Variants in IARS1 observed in about 807,000 individuals in gnomAD.
IARS1 encodes the protein isoleucyl-tRNA synthetase 1.
A neutral mutation model predicts 168.2 loss-of-function variants in IARS1; 124 were observed. The observed-to-expected ratio is 0.74, with a 90% confidence interval of 0.64 to 0.86. The LOEUF (loss-of-function observed/expected upper bound fraction) is 0.86. IARS1 is among the 40% of genes least tolerant of loss of function. IARS1 has a pLI of 0.00. For missense variants in IARS1, 1,452 were observed against 1,515.8 expected, an observed-to-expected ratio of 0.96 and a Z score of 0.70; for synonymous variants, 532 against 529.4, an observed-to-expected ratio of 1.00 and a Z score of -0.07.
intron 15 of IARS1, among the ~76,000 whole-genome samples, 176 bp downstream of exon 15, chr9:92,265,304 C>T (rs919062185): frequency 1.3e-5 from 2 of 152,228 alleles, no homozygotes; most frequent in Admixed American, 6.5e-5. Flanking sequence ...AGGTTATGCA[C>T]CATTCACCTC....
In IARS1 at chr9:92,268,232, GA is replaced by G. The variant is rs757686023; in HGVS notation, c.1372del (p.Ser458ProfsTer49). 2 of 1,611,570 alleles carry G rather than the reference GA, an allele frequency of 1.2e-6. No homozygotes were observed. Among genetic ancestry groups the G allele is most frequent in the Non-Finnish European group, 1.7e-6 (2 of 1,179,334 alleles). On this transcript the variant is annotated frameshift_variant, in exon 14 of 34. Transcript: ENST00000443024. LOFTEE classifies it high-confidence loss of function. ...WLKDARDWTI[S>X]RNRYWGTPIP... is the part of the protein sequence containing the mutation. ...GGGGGTGCCCCAGTATCTGTTTCTG[GA>G]AATTGTCCAGTCACGTGCATCTTTC... is the stretch of plus-strand genomic sequence containing the variant.
At chr9:92,260,564 A>C (rs1318193944) in intron 17 of IARS1, among the ~76,000 whole-genome samples, 3 of 152,130 alleles carry the variant, frequency 2.0e-5, no homozygotes, top group African/African-American at 7.2e-5. Flanking sequence ...CTGAGGCAGG[A>C]GAATTGCCTG....
intron 25 of IARS1, 64 bp from the exon 26 acceptor site, chr9:92,247,615 T>A: frequency 7.0e-7 from 1 of 1,434,888 alleles, no homozygotes; most frequent in Non-Finnish European, 9.6e-7. Context: ...CACAAAAATG[T>A]AGGTCCACAG....
intron 30 of IARS1, among the ~76,000 whole-genome samples, chr9:92,236,702 C>A (rs925035675): frequency 6.6e-6 from 1 of 152,088 alleles, no homozygotes; most frequent in African/African-American, 2.4e-5. Context: ...TACAAAAATT[C>A]ATCAGGCGTG....
chr9:92,226,824 T>TA (rs1201606090), intron 31 of IARS1, among the ~76,000 whole-genome samples: 9 of 148,582 alleles, frequency 6.1e-5, no homozygotes, highest in Non-Finnish European at 9.0e-5. Flanking sequence ...TTTTTTTTTT[T>TA]ATTGATCATT....
intron 33 of IARS1, 64 bp downstream of exon 33, chr9:92,222,456 G>GTT: frequency 1.4e-6 from 2 of 1,382,722 alleles, no homozygotes; most frequent in Admixed American, 3.6e-5. Flanking sequence ...TGCTACAAAT[G>GTT]GTTAATGGCA....
At chr9:92,235,113 G>A (rs555710720) in intron 30 of IARS1, among the ~76,000 whole-genome samples, 26 of 152,282 alleles carry the variant, frequency 1.7e-4, no homozygotes, top group African/African-American at 4.8e-4. Flanking sequence ...GATTACAGGC[G>A]TGAGCCACCA....
intron 33 of IARS1, among the ~76,000 whole-genome samples, chr9:92,219,558 A>C (rs1014991794): frequency 2.0e-4 from 31 of 151,452 alleles, no homozygotes; most frequent in African/African-American, 6.3e-4. Flanking sequence ...CAATGAACTC[A>C]AACAAATTTA....
intron 26 of IARS1, among the ~76,000 whole-genome samples, chr9:92,245,571 C>A (rs776417982): frequency 6.6e-6 from 1 of 152,126 alleles, no homozygotes; most frequent in Non-Finnish European, 1.5e-5. Context: ...ATGTGAACAG[C>A]TGCTGATGTT....
chr9:92,244,957 A>G lies in IARS1; in HGVS notation c.2904+2T>C. 1.2e-6 allele frequency: 2 copies of G among 1,611,508 alleles called. No individual in the cohort carries two copies. Among genetic ancestry groups the G allele is most frequent in the South Asian group, 1.1e-5 (1 of 91,010 alleles). On this transcript the variant is annotated splice_donor_variant, in intron 27 of 33. Transcript: ENST00000443024. LOFTEE classifies it high-confidence loss of function. ...GAAATGTTCTAGGAAACAGAAAAAT[A>G]CCTGAGCATCTGAGTGTGCTTCAAA...
chr9:92,225,117 G>T (rs563786192), intron 31 of IARS1, among the ~76,000 whole-genome samples: 1 of 152,320 alleles, frequency 6.6e-6, no homozygotes, highest in East Asian at 1.9e-4. Context: ...CAGCTTGGTT[G>T]TACTGCACTG....
At chr9:92,231,019 T>A (rs1251930723) in intron 30 of IARS1, among the ~76,000 whole-genome samples, 1 of 152,234 alleles carries the variant, frequency 6.6e-6, no homozygotes, top group Non-Finnish European at 1.5e-5. Flanking sequence ...TATAAAGATT[T>A]TCTCCCAGTC....
intron 30 of IARS1, among the ~76,000 whole-genome samples, chr9:92,233,080 G>A (rs1172693596): frequency 6.6e-6 from 1 of 152,202 alleles, no homozygotes; most frequent in East Asian, 1.9e-4. Context: ...ATTATGAAGA[G>A]AAACAGTAAA....
chr9:92,268,265 T>C lies in IARS1; in HGVS notation c.1340A>G (p.Asn447Ser), dbSNP rs748691796. Residue 447 changes from asparagine to serine, a missense_variant, in exon 14 of 34, where the codon AAT becomes AGT. Physicochemically the swap from Asn to Ser is conservative, Grantham distance 46. Transcript: ENST00000443024. The part of the protein sequence containing the change: ...PELVREKRFG[N>S]WLKDARDWTI... Reference sequence around the variant, plus strand: ...CCAGTCACGTGCATCTTTCAGCCAATTTCCAAATCGTTTTTCTCGTACCAA... The same window carrying C: ...CCAGTCACGTGCATCTTTCAGCCAACTTCCAAATCGTTTTTCTCGTACCAA... The C allele has an allele frequency of 3.1e-6, 5 of 1,611,942 alleles. No individual in the cohort carries two copies. In the Admixed American group the frequency reaches 5.1e-5, roughly 16 times the overall value.
chr9:92,250,908 A>G lies in IARS1; in HGVS notation c.2308-74T>C, dbSNP rs142269335. ...ACTGATCTCATTTATACTGAGAAAC[A>G]ACTAAACATGTTAGAGAATGACACA... On this transcript the variant is annotated intron_variant, in intron 22 of 33. Transcript: ENST00000443024. 7.2e-5 allele frequency: 106 copies of G among 1,470,056 alleles called. No individual in the cohort carries two copies. The African/African-American group carries it at 1.3e-3, about 18-fold the overall frequency. The allele number at this position is 1,470,056 out of a possible 1,614,324, so 91.1% of individuals were successfully genotyped here.
At chr9:92,264,267 G>A (rs1041203392) in intron 16 of IARS1, among the ~76,000 whole-genome samples, 1 of 148,842 alleles carries the variant, frequency 6.7e-6, no homozygotes, top group Non-Finnish European at 1.5e-5. Flanking sequence ...CCCAGGAGGC[G>A]AAGGGTGCAG....
chr9:92,253,490 T>C (rs1459331697), intron 20 of IARS1, 37 bp from the exon 21 acceptor site: 1 of 1,391,756 alleles, frequency 7.2e-7, no homozygotes, highest in South Asian at 1.2e-5. Flanking sequence ...AGCAAGTGGG[T>C]TACCAGGCAT....
At chr9:92,280,648 T>A (rs1834407565) in intron 7 of IARS1, 98 bp downstream of exon 7, 12 of 685,432 alleles carry the variant, frequency 1.8e-5, no homozygotes, top group Non-Finnish European at 2.5e-5. Flanking sequence ...TTCAAATAAT[T>A]CTATTCTTCA....
At chr9:92,257,891 A>G (rs1490492531) in intron 19 of IARS1, among the ~76,000 whole-genome samples, 2 of 152,186 alleles carry the variant, frequency 1.3e-5, no homozygotes, top group Non-Finnish European at 2.9e-5. Flanking sequence ...CCATACAGGA[A>G]CATGTTCAAT....
Sources: allele counts gnomAD v4.1 joint callset (sites outside exome capture counted in the v4.1 genomes callset), GRCh38; gene constraint gnomAD v4.1.1; transcripts MANE v1.5; gene names NCBI Gene and HGNC (gene_info 2026-07-23, HGNC 2026-07-21).